Variants in FBXO21 observed in about 807,000 individuals in gnomAD.
FBXO21 encodes F-box protein 21, also known as F-box only protein 21.
FBXO21 carries 32 observed loss-of-function variants against 76.6 expected under a neutral mutation model. That is an observed-to-expected ratio of 0.42 (90% CI 0.32 to 0.56). FBXO21 has a LOEUF of 0.56. Among genes scored for constraint, FBXO21 ranks in the 20% least tolerant of loss-of-function variants. The pLI is 0.16. For missense variants in FBXO21, 586 were observed against 797.3 expected (o/e 0.73, Z 3.19); for synonymous variants, 328 against 311.5 (o/e 1.05, Z -0.56).
chr12:117,146,323 G>A, intron 11 of FBXO21, 46 bp from the exon 12 acceptor site: 1 of 1,490,016 alleles, frequency 6.7e-7, no homozygotes, highest in Non-Finnish European at 9.1e-7. Context: ...AATGTCCATT[G>A]CTGCCACACC....
rs1393487938 is a variant in FBXO21 at position 117,156,053 on chromosome 12, C to T, written c.1518-105G>A. ...CACATCCTCAGTTACCTGCTTTACT[C>T]CACGGTGAATCATTTTTCAGGACAC... is the stretch of plus-strand genomic sequence containing the variant. On this transcript the variant is annotated intron_variant, in intron 10 of 11. Transcript: ENST00000622495. The T allele has an allele frequency of 4.8e-6, 5 of 1,036,584 alleles. No homozygotes were observed. The African/African-American group carries it at 7.8e-5, about 16-fold the overall frequency. 64.2% of individuals were successfully genotyped at this position (1,036,584 alleles called of 1,614,324 possible). A position where few individuals can be genotyped will look rare whatever the true frequency, so the allele number is the denominator to read the frequency against.
intron 9 of FBXO21, among the ~76,000 whole-genome samples, chr12:117,163,936 T>C (rs1956016816): frequency 6.6e-6 from 1 of 151,528 alleles, no homozygotes; most frequent in South Asian, 2.1e-4. Context: ...AGAGCAAGAC[T>C]CCATTTCAAA....
intron 11 of FBXO21, among the ~76,000 whole-genome samples, chr12:117,153,707 C>A (rs1439990470): frequency 6.6e-6 from 1 of 152,344 alleles, no homozygotes; most frequent in East Asian, 1.9e-4. Flanking sequence ...GCTGACACAG[C>A]GCTGATGGAG....
chr12:117,148,065 A>G (rs1955798752), intron 11 of FBXO21, among the ~76,000 whole-genome samples: 1 of 152,242 alleles, frequency 6.6e-6, no homozygotes, highest in Admixed American at 6.5e-5. Flanking sequence ...GCATCCCCGA[A>G]GTACACAGGA....
chr12:117,147,533 G>A (rs529278656), intron 11 of FBXO21, among the ~76,000 whole-genome samples: 5 of 147,692 alleles, frequency 3.4e-5, no homozygotes, highest in African/African-American at 1.2e-4. Flanking sequence ...GGGAGGCGGA[G>A]GTTGCAGTGA....
At chr12:117,151,474 A>T (rs1460968390) in intron 11 of FBXO21, among the ~76,000 whole-genome samples, 1 of 152,244 alleles carries the variant, frequency 6.6e-6, no homozygotes, top group Non-Finnish European at 1.5e-5. Flanking sequence ...TAATTAGAAA[A>T]GCATTATGAA....
intron 2 of FBXO21, among the ~76,000 whole-genome samples, chr12:117,186,944 T>C (rs2135889258): frequency 6.6e-6 from 1 of 152,296 alleles, no homozygotes; most frequent in South Asian, 2.1e-4. Flanking sequence ...CTGATCAACG[T>C]GGTGAAACCC....
intron 11 of FBXO21, among the ~76,000 whole-genome samples, chr12:117,149,031 T>C (rs11068368): frequency 0.18 from 27,608 of 151,788 alleles, 3,140 homozygotes; most frequent in East Asian, 0.41. Context: ...CACCCACTGC[T>C]GCCACCTCCC....
At chr12:117,185,356 C>T (rs971363470) in intron 3 of FBXO21, among the ~76,000 whole-genome samples, 12 of 152,214 alleles carry the variant, frequency 7.9e-5, no homozygotes, top group Non-Finnish European at 1.3e-4. Flanking sequence ...CCTAAATCCC[C>T]TTTAAAAAAC....
intron 9 of FBXO21, among the ~76,000 whole-genome samples, chr12:117,162,663 C>A (rs1394106947): frequency 1.3e-5 from 2 of 152,196 alleles, no homozygotes; most frequent in East Asian, 1.9e-4. Context: ...AACAAGACAA[C>A]CTTCAGGCCT....
intron 3 of FBXO21, among the ~76,000 whole-genome samples, chr12:117,182,562 A>ATTTT (rs1162348126): frequency 8.6e-5 from 7 of 81,290 alleles, no homozygotes; most frequent in South Asian, 5.0e-4. Flanking sequence ...CAGCAAGAGG[A>ATTTT]TCTTTTTTTT....
At chr12:117,175,595 C>G (rs1367285224) in intron 4 of FBXO21, among the ~76,000 whole-genome samples, 3 of 152,242 alleles carry the variant, frequency 2.0e-5, no homozygotes, top group Non-Finnish European at 2.9e-5. Context: ...GACACCTCGA[C>G]CCCAGTCCCA....
rs537462742 is a variant in FBXO21, at chr12:117,166,168, C to T, written c.1194-551G>A. 8.1e-5 allele frequency among the ~76,000 whole-genome samples: 10 copies of T among 122,892 alleles called. 1 individual carries two copies. In the Admixed American group the frequency reaches 9.7e-4, roughly 12 times the overall value. 80.6% of individuals were successfully genotyped at this position (122,892 alleles called of 152,430 possible). On this transcript the variant is annotated intron_variant, in intron 8 of 11. Transcript: ENST00000622495. ...TCACGCCATTGCACTCCAGTCTGGG[C>T]AACAAGAGCGAAACTATGTCTCAAA...
rs559667495 is a variant in FBXO21 at position 117,188,836 on chromosome 12, T to C, written c.375+391A>G. ...AGAACCACATTAATTTCGTCAACCC[T>C]TCTGGGAAAACAACCGGGAGAAATT... On this transcript the variant is annotated intron_variant, in intron 2 of 11. Transcript: ENST00000622495. The C allele has an allele frequency of 1.5e-5, 3 of 198,294 alleles. No individual in the cohort carries two copies. In the South Asian group the frequency reaches 3.2e-4, roughly 21 times the overall value. 12.3% of individuals were successfully genotyped at this position (198,294 alleles called of 1,614,324 possible).
Position 117,153,934 on chromosome 12 carries a change from A to T in FBXO21, c.1675+1857T>A, listed in dbSNP as rs549480973. On this transcript the variant is annotated intron_variant, in intron 11 of 11. Coordinates refer to ENST00000622495, the MANE Select transcript of FBXO21 (RefSeq NM_015002.3). ...TTTACCTAGATATGATTAGAGATCAACTTCTGAAGTGAACATATCACAACC... is the reference window on the plus strand; with the variant it reads ...TTTACCTAGATATGATTAGAGATCATCTTCTGAAGTGAACATATCACAACC... 4.6e-5 allele frequency among the ~76,000 whole-genome samples: 7 copies of T among 152,360 alleles called. No individual in the cohort carries two copies. In the South Asian group the frequency reaches 1.4e-3, roughly 32 times the overall value.
chr12:117,174,907 G>C, intron 4 of FBXO21, 110 bp from the exon 5 acceptor site: 1 of 1,109,554 alleles, frequency 9.0e-7, no homozygotes. Context: ...CATCCCACTG[G>C]ACAAGCTTCA....
chr12:117,181,215 T>G (rs1377626929), intron 3 of FBXO21, among the ~76,000 whole-genome samples: 1 of 152,004 alleles, frequency 6.6e-6, no homozygotes, highest in Non-Finnish European at 1.5e-5. Flanking sequence ...GAAAAGTCAC[T>G]GAATTCTTGT....
chr12:117,182,122 G>A (rs1055367213), intron 3 of FBXO21, among the ~76,000 whole-genome samples: 23 of 152,144 alleles, frequency 1.5e-4, no homozygotes, highest in African/African-American at 5.6e-4. Context: ...ATAAGCATTT[G>A]CCAGGAATGA....
chr12:117,157,034 T>C (rs1331317853), intron 10 of FBXO21, among the ~76,000 whole-genome samples: 1 of 151,840 alleles, frequency 6.6e-6, no homozygotes, highest in Non-Finnish European at 1.5e-5. Flanking sequence ...ACACAAAAAA[T>C]TAGCCAGGCG....
Sources: allele counts gnomAD v4.1 joint callset (sites outside exome capture counted in the v4.1 genomes callset), GRCh38; gene constraint gnomAD v4.1.1; transcripts MANE v1.5; gene names NCBI Gene and HGNC (gene_info 2026-07-23, HGNC 2026-07-21).